Variants in CYP4F3 observed in about 807,000 individuals in gnomAD.
CYP4F3 encodes the protein cytochrome P450 4F3.
A neutral mutation model predicts 54.8 loss-of-function variants in CYP4F3; 50 were observed. The ratio of observed to expected loss-of-function variants is 0.91; its 90% CI spans 0.73 to 1.16. The LOEUF (loss-of-function observed/expected upper bound fraction) is 1.16, where lower values mean the gene tolerates loss of function less well. Among genes scored for constraint, CYP4F3 ranks in the 50% most tolerant of loss-of-function variants. CYP4F3 has a pLI of 0.00. For synonymous variants in CYP4F3, 244 were observed against 262.6 expected (o/e 0.93, Z 0.69); for missense variants, 715 against 676.2 (o/e 1.06, Z -0.64).
chr19:15,656,491 A>ATCTG (rs1197486475), intron 9 of CYP4F3, among the ~76,000 whole-genome samples: 7 of 71,488 alleles, frequency 9.8e-5, no homozygotes, highest in Admixed American at 4.6e-4. Flanking sequence ...CTATCTATCT[A>ATCTG]TCTATCTATC....
chr19:15,657,757 T>A (rs941966346), intron 9 of CYP4F3, among the ~76,000 whole-genome samples: 3 of 152,198 alleles, frequency 2.0e-5, no homozygotes, highest in Admixed American at 1.3e-4. Context: ...TTTGCACGTG[T>A]TGATGTTATT....
chr19:15,649,997 C>T lies in CYP4F3; in HGVS notation c.732C>T (p.Asp244=). 1 of 1,614,228 alleles carries T rather than the reference C, an allele frequency of 6.2e-7. No individual in the cohort carries two copies. Among genetic ancestry groups the T allele is most frequent in the South Asian group, 1.1e-5 (1 of 91,086 alleles). Residue 244 remains aspartate (D), a synonymous_variant, in exon 7 of 13, where the codon GAC becomes GAT. Transcript: ENST00000221307. ...ACCAGCAGATCCTCCTGTACATAGA[C>T]TTCCTGTATTATCTCACCCCTGATG... ...KRHQQILLYI[D]FLYYLTPDGQ... is the part of the protein sequence containing the mutation.
chr19:15,649,787 G>T, intron 6 of CYP4F3, 126 bp from the exon 7 acceptor site: 3 of 1,353,906 alleles, frequency 2.2e-6, no homozygotes, highest in Non-Finnish European at 2.0e-6. Flanking sequence ...TCCTGCATCT[G>T]AGGGGCCATC....
At chr19:15,652,070 G>A (rs1451702956) in intron 7 of CYP4F3, among the ~76,000 whole-genome samples, 1 of 152,082 alleles carries the variant, frequency 6.6e-6, no homozygotes, top group East Asian at 1.9e-4. Flanking sequence ...GAGAGAGAGA[G>A]AGAGGAAGAA....
intron 6 of CYP4F3, 98 bp downstream of exon 6, chr19:15,649,379 C>G: frequency 6.3e-7 from 1 of 1,583,156 alleles, no homozygotes; most frequent in Non-Finnish European, 8.6e-7. Context: ...GACAAACCTT[C>G]TTGGAGGAGT....
intron 9 of CYP4F3, 98 bp from the exon 10 acceptor site, chr19:15,658,166 C>T: frequency 3.2e-6 from 5 of 1,560,088 alleles, no homozygotes; most frequent in Non-Finnish European, 4.3e-6. Flanking sequence ...AAGTTTATTT[C>T]GTTACAGGGA....
chr19:15,641,697 G>T, intron 2 of CYP4F3, 84 bp downstream of exon 2: 4 of 1,301,718 alleles, frequency 3.1e-6, no homozygotes, highest in Non-Finnish European at 1.1e-6. Flanking sequence ...GTGAGAGGGG[G>T]TGGGCTGGGG....
At chr19:15,645,292 G>C (rs918573647) in intron 2 of CYP4F3, among the ~76,000 whole-genome samples, 5 of 152,142 alleles carry the variant, frequency 3.3e-5, no homozygotes, top group African/African-American at 9.7e-5. Context: ...GCCTAGTCTC[G>C]GCAGGCCTGG....
intron 9 of CYP4F3, among the ~76,000 whole-genome samples, chr19:15,657,900 TA>T (rs1973069803): frequency 1.3e-5 from 2 of 152,176 alleles, no homozygotes; most frequent in African/African-American, 4.8e-5. Context: ...TATTGCCTTT[TA>T]ACTTTTGGAG....
chr19:15,650,341 T>G, intron 7 of CYP4F3, 158 bp downstream of exon 7: 7 of 1,398,356 alleles, frequency 5.0e-6, no homozygotes, highest in Non-Finnish European at 6.9e-6. Flanking sequence ...GAGATAGCTC[T>G]GTGGACTAGC....
intron 12 of CYP4F3, among the ~76,000 whole-genome samples, 167 bp downstream of exon 12, chr19:15,658,976 C>T (rs28371542): frequency 0.03 from 4,539 of 152,184 alleles, 92 homozygotes; most frequent in Non-Finnish European, 0.045. Context: ...TTGGGTTGGT[C>T]CTAGAAGGAT....
chr19:15,650,293 GA>G, intron 7 of CYP4F3, 110 bp downstream of exon 7: 3 of 1,601,028 alleles, frequency 1.9e-6, no homozygotes, highest in Non-Finnish European at 1.7e-6. Context: ...CATGGAAGGT[GA>G]TTGAGGAAGG....
Position 15,650,000 on chromosome 19 carries a change from C to T in CYP4F3, c.735C>T (p.Phe245=). The change falls in exon 7 of 13, where the codon TTC becomes TTT. Residue 245 remains phenylalanine (F), a synonymous_variant. Transcript: ENST00000221307. The stretch of plus-strand genomic sequence containing the variant: ...AGCAGATCCTCCTGTACATAGACTT[C>T]CTGTATTATCTCACCCCTGATGGGC... ...RHQQILLYID[F]LYYLTPDGQR... 2 of 1,614,186 alleles carry T rather than the reference C, an allele frequency of 1.2e-6. No individual in the cohort carries two copies. Among genetic ancestry groups the T allele is most frequent in the Non-Finnish European group, 1.7e-6 (2 of 1,180,032 alleles).
intron 5 of CYP4F3, among the ~76,000 whole-genome samples, chr19:15,647,680 C>A (rs1384626596): frequency 2.0e-5 from 3 of 152,180 alleles, no homozygotes. Context: ...CCTGATAAGT[C>A]TGTGGGACAG....
At chr19:15,641,192 T>G in intron 1 of CYP4F3, 1 of 565,454 alleles carries the variant, frequency 1.8e-6, no homozygotes, top group Non-Finnish European at 3.1e-6. Flanking sequence ...TTCTCTGTCT[T>G]TCTCAATCTA....
chr19:15,658,532 C>G lies in CYP4F3; in HGVS notation c.1291C>G (p.Pro431Ala). The change falls in exon 11 of 13, where the codon CCA becomes GCA. Residue 431 changes from proline to alanine, a missense_variant. Physicochemically the swap from Pro to Ala is conservative, Grantham distance 27. Transcript: ENST00000221307. ...LISVFGTHHN[P>A]AVWPDPEVYD... ...CAGTGTTTTTGGAACCCATCACAAC[C>G]CAGCCGTGTGGCCGGACCCTGAGGT... 1 of 1,614,176 alleles carries G rather than the reference C, an allele frequency of 6.2e-7. No homozygotes were observed. Among genetic ancestry groups the G allele is most frequent in the South Asian group, 1.1e-5 (1 of 91,084 alleles).
rs1973168395 is a variant in CYP4F3 at position 15,660,921 on chromosome 19, T to G, written c.*1536T>G. On this transcript the variant is annotated 3_prime_UTR_variant, in exon 13 of 13. Transcript: ENST00000221307. The stretch of plus-strand genomic sequence containing the variant: ...TAATAGAGGCGGGGTTTCGCCATGT[T>G]GCACTGGCTGGTGTTGAACTCCTAA... 1 of 152,080 alleles carries G rather than the reference T, an allele frequency of 6.6e-6. No individual in the cohort carries two copies. The highest frequency in any genetic ancestry group is 2.1e-4 in the South Asian group (1 of 4,820). 9.4% of individuals were successfully genotyped at this position (152,080 alleles called of 1,614,324 possible).
intron 6 of CYP4F3, 131 bp from the exon 7 acceptor site, chr19:15,649,782 C>T: frequency 7.6e-6 from 10 of 1,315,074 alleles, no homozygotes; most frequent in Non-Finnish European, 1.1e-5. Flanking sequence ...CCCCATCCTG[C>T]ATCTGAGGGG....
At chr19:15,646,936 T>C in intron 3 of CYP4F3, 116 bp from the exon 4 acceptor site, 3 of 1,447,972 alleles carry the variant, frequency 2.1e-6, no homozygotes, top group Non-Finnish European at 1.9e-6. Context: ...ACCCTCTTCT[T>C]GCTATGTGGG....
Sources: gnomAD v4.1 joint callset for allele counts (sites outside exome capture counted in the v4.1 genomes callset) on GRCh38, gnomAD v4.1.1 for gene constraint, MANE v1.5 for transcripts, NCBI Gene and HGNC (gene_info 2026-07-23, HGNC 2026-07-21) for gene names.